PSMA2: variants seen among roughly 807,000 people sequenced by gnomAD.
The protein encoded by PSMA2 is proteasome 20S subunit alpha 2, also known as proteasome subunit alpha type-2.
Under a neutral mutation model 35.9 loss-of-function variants are expected in PSMA2, and 2 were observed. That is an observed-to-expected ratio of 0.06 (90% CI 0.02 to 0.18). PSMA2 has a LOEUF of 0.18. PSMA2 is among the 10% of genes least tolerant of loss of function. The pLI, the probability that PSMA2 is intolerant of heterozygous loss-of-function variation, is 1.00. For missense variants in PSMA2, 126 were observed against 278.8 expected (o/e 0.45, Z 3.90); for synonymous variants, 97 against 98.2 (o/e 0.99, Z 0.07).
rs888575623 is a variant in PSMA2 at position 42,919,430 on chromosome 7, G to A, written c.531-1595C>T. The A allele has an allele frequency of 9.1e-6, 5 of 549,650 alleles. No individual in the cohort carries two copies. The Admixed American group carries it at 9.9e-5, about 11-fold the overall frequency. The allele number at this position is 549,650 out of a possible 1,614,324, so 34.0% of individuals were successfully genotyped here. On this transcript the variant is annotated intron_variant, in intron 6 of 7. Coordinates refer to ENST00000223321, the MANE Select transcript of PSMA2 (RefSeq NM_002787.5). ...ATAAACTGTTTTGCATATATGACTTGAACAAACCCGAAGCAGAACCTGAGG... is the reference window on the plus strand; with the variant it reads ...ATAAACTGTTTTGCATATATGACTTAAACAAACCCGAAGCAGAACCTGAGG...
intron 5 of PSMA2, among the ~76,000 whole-genome samples, chr7:42,922,682 T>C (rs945020119): frequency 6.6e-6 from 1 of 152,180 alleles, no homozygotes; most frequent in Non-Finnish European, 1.5e-5. Flanking sequence ...TCTCAGGTTA[T>C]AAAAGTAGAT....
intron 1 of PSMA2, among the ~76,000 whole-genome samples, chr7:42,928,833 T>A (rs546312126): frequency 2.0e-5 from 3 of 152,174 alleles, no homozygotes; most frequent in African/African-American, 7.2e-5. Flanking sequence ...TGAAATGCAT[T>A]TCTCTATTGC....
chr7:42,924,353 C>CAA lies in PSMA2; in HGVS notation c.374+320_374+321dup, dbSNP rs58198756. On this transcript the variant is annotated intron_variant, in intron 4 of 7. Coordinates refer to ENST00000223321, the MANE Select transcript of PSMA2 (RefSeq NM_002787.5). ...TGGGCGACAGAGTGAGACTCTGACT[C>CAA]AAAAAAAAAAAAAAAAAAAAAAAAA... 5.9e-4 allele frequency among the ~76,000 whole-genome samples: 41 copies of CAA among 69,416 alleles called. 1 individual carries two copies. Among genetic ancestry groups the CAA allele is most frequent in the African/African-American group, 2.2e-3 (35 of 16,264 alleles). The allele number at this position is 69,416 out of a possible 152,430, so 45.5% of individuals were successfully genotyped here.
intron 6 of PSMA2, chr7:42,919,998 G>T: frequency 2.8e-6 from 2 of 725,458 alleles, no homozygotes. Flanking sequence ...CAAAGCCAAA[G>T]ATTGGTTTTC....
rs1313949467 is a variant in PSMA2 at position 42,927,201 on chromosome 7, T to C, written c.118+182A>G. Among the ~76,000 whole-genome samples the C allele has an allele frequency of 5.3e-5, 8 of 152,328 alleles. No individual in the cohort carries two copies. In the East Asian group the frequency reaches 1.5e-3, roughly 29 times the overall value. On this transcript the variant is annotated intron_variant, in intron 2 of 7. Transcript: ENST00000223321. Reference sequence around the variant, plus strand: ...AACAGATAAAGGTGTTACTATTTACTTTGAAAAGAAATTTGAATGACCTTA... The same window carrying C: ...AACAGATAAAGGTGTTACTATTTACCTTGAAAAGAAATTTGAATGACCTTA...
chr7:42,922,816 T>G (rs145386236), intron 5 of PSMA2, among the ~76,000 whole-genome samples: 6 of 152,294 alleles, frequency 3.9e-5, no homozygotes, highest in South Asian at 2.1e-4. Flanking sequence ...TGGAGTAGTA[T>G]TATCCATTAC....
At chr7:42,923,547 C>T in intron 4 of PSMA2, 141 bp from the exon 5 acceptor site, 8 of 640,400 alleles carry the variant, frequency 1.2e-5, no homozygotes, top group Non-Finnish European at 2.2e-5. Flanking sequence ...TATTTAACAC[C>T]TTTCTGAATG....
intron 6 of PSMA2, chr7:42,920,080 G>A (rs1786102233): frequency 1.7e-6 from 1 of 582,660 alleles, no homozygotes; most frequent in Non-Finnish European, 3.2e-6. Context: ...AACTCCTCAA[G>A]TTAAGGCCTG....
chr7:42,924,123 C>G (rs1786167492), intron 4 of PSMA2, among the ~76,000 whole-genome samples: 1 of 151,206 alleles, frequency 6.6e-6, no homozygotes. Flanking sequence ...ACAGGCAGAT[C>G]ACTTGAGGTC....
chr7:42,924,579 C>A, intron 4 of PSMA2, 96 bp downstream of exon 4: 1 of 1,236,918 alleles, frequency 8.1e-7, no homozygotes, highest in Non-Finnish European at 1.1e-6. Context: ...TAAGCAAATA[C>A]AGAAATGGTA....
intron 4 of PSMA2, 28 bp from the exon 5 acceptor site, chr7:42,923,434 G>C (rs371963827): frequency 4.5e-6 from 7 of 1,565,390 alleles, no homozygotes; most frequent in Non-Finnish European, 6.2e-6. Context: ...AAAATTACTT[G>C]GCATTTTCAT....
chr7:42,921,888 T>C lies in PSMA2; in HGVS notation c.500A>G (p.Tyr167Cys). The C allele has an allele frequency of 6.2e-7, 1 of 1,612,628 alleles. No individual in the cohort carries two copies. Among genetic ancestry groups the C allele is most frequent in the Non-Finnish European group, 8.5e-7 (1 of 1,179,028 alleles). Residue 167 changes from tyrosine to cysteine, a missense_variant, in exon 6 of 8, where the codon TAT (tyrosine) becomes TGT (cysteine). This residue lies in a region of PSMA2 where 42 missense variants were observed against 83.6 expected (regional missense o/e 0.50). Coordinates refer to ENST00000223321, the MANE Select transcript of PSMA2 (RefSeq NM_002787.5). ...AWKATAMGKN[Y>C]VNGKTFLEKR... ...CTCAAGGAAAGTCTTCCCATTCACATAGTTCTTTCCCATTGCTGTAGCTTT... is the reference window on the plus strand; with the variant it reads ...CTCAAGGAAAGTCTTCCCATTCACACAGTTCTTTCCCATTGCTGTAGCTTT...
In PSMA2 at chr7:42,921,940, G is replaced by C; in HGVS notation, c.457-9C>G. 5 of 1,602,826 alleles carry C rather than the reference G, an allele frequency of 3.1e-6. No individual in the cohort carries two copies. Among genetic ancestry groups the C allele is most frequent in the Non-Finnish European group, 4.3e-6 (5 of 1,172,376 alleles). On this transcript the variant is annotated splice_polypyrimidine_tract_variant and intron_variant, in intron 5 of 7. Coordinates refer to ENST00000223321, the MANE Select transcript of PSMA2 (RefSeq NM_002787.5). ...CAGGCAAAGTAAGCTCCCTAATCAG[G>C]AAAGAAAGAGTAAAAAACCATATTT...
chr7:42,926,991 T>C (rs1214541223), intron 2 of PSMA2, among the ~76,000 whole-genome samples: 1 of 152,194 alleles, frequency 6.6e-6, no homozygotes, highest in Admixed American at 6.5e-5. Context: ...TCTTATAACA[T>C]GAAATTTACA....
intron 1 of PSMA2, among the ~76,000 whole-genome samples, chr7:42,930,427 T>C (rs1786284772): frequency 6.6e-6 from 1 of 151,922 alleles, no homozygotes; most frequent in Admixed American, 6.6e-5. Context: ...AATTTTTTAA[T>C]TTTTTTCAGA....
chr7:42,931,948 C>T (rs1282335492), intron 1 of PSMA2, among the ~76,000 whole-genome samples, 170 bp downstream of exon 1: 2 of 152,170 alleles, frequency 1.3e-5, no homozygotes, highest in East Asian at 3.9e-4. Context: ...AAGGAAGCTC[C>T]AGGAATCCCG....
intron 1 of PSMA2, among the ~76,000 whole-genome samples, chr7:42,928,963 T>G (rs1786253312): frequency 6.6e-6 from 1 of 152,182 alleles, no homozygotes; most frequent in African/African-American, 2.4e-5. Context: ...TGTCTAAGAT[T>G]CATCATATCT....
Position 42,926,600 on chromosome 7 carries a change from G to A in PSMA2, c.187C>T (p.His63Tyr), listed in dbSNP as rs1448688040. The change falls in exon 3 of 8, where the codon CAC becomes TAC. Residue 63 changes from histidine (H) to tyrosine (Y), a missense_variant. Coordinates refer to ENST00000223321, the MANE Select transcript of PSMA2 (RefSeq NM_002787.5). ...TGCTTGGTAATTGGTTCTACTTTGT[G>A]TACACTTCGCTCATCATACAGAATG... ...KSILYDERSV[H>Y]KVEPITKHIG... 11 of 1,611,844 alleles carry A rather than the reference G, an allele frequency of 6.8e-6. No homozygotes were observed. The highest frequency in any genetic ancestry group is 9.3e-6 in the Non-Finnish European group (11 of 1,179,368).
chr7:42,926,450 GA>G, intron 3 of PSMA2, 85 bp downstream of exon 3: 1 of 1,408,368 alleles, frequency 7.1e-7, no homozygotes, highest in Non-Finnish European at 9.4e-7. Flanking sequence ...AAGATTAAAG[GA>G]AAACAACCTT....
Sources: gnomAD v4.1 joint callset for allele counts (sites outside exome capture counted in the v4.1 genomes callset) on GRCh38, gnomAD v4.1.1 for gene constraint, gnomAD v4.1.1 regional missense constraint, MANE v1.5 for transcripts, NCBI Gene and HGNC (gene_info 2026-07-23, HGNC 2026-07-21) for gene names.